The following ABLIM1 variants were observed in gnomAD, a reference collection of about 807,000 sequenced individuals.
The protein encoded by ABLIM1 is actin-binding LIM protein 1.
ABLIM1 carries 40 observed loss-of-function variants against 107.0 expected under a neutral mutation model. The ratio of observed to expected loss-of-function variants is 0.37; its 90% CI spans 0.29 to 0.49. ABLIM1 has a LOEUF of 0.49. Ranked by LOEUF, ABLIM1 falls within the 20% of genes least tolerant of loss-of-function variation. The pLI is 0.97. For missense variants in ABLIM1, 857 were observed against 1,008.5 expected (o/e 0.85, Z 2.04); for synonymous variants, 357 against 357.3 (o/e 1.00, Z 0.01).
chr10:114,502,717 G>A (rs1010786853), intron 6 of ABLIM1, among the ~76,000 whole-genome samples: 1 of 151,998 alleles, frequency 6.6e-6, no homozygotes, highest in Non-Finnish European at 1.5e-5. Context: ...GACTGGTCTC[G>A]AGCTCCTGGC....
upstream of ABLIM1, among the ~76,000 whole-genome samples, chr10:114,769,171 TGAA>T (rs2082973979): frequency 4.7e-5 from 1 of 21,238 alleles, no homozygotes; most frequent in Non-Finnish European, 8.6e-5. Flanking sequence ...CTGTCTTCAA[TGAA>T]AAAAAAAAAA....
chr10:114,664,249 C>T (rs150612131), intron 1 of ABLIM1, among the ~76,000 whole-genome samples: 348 of 152,282 alleles, frequency 2.3e-3, no homozygotes, highest in African/African-American at 7.7e-3. Flanking sequence ...CTTCTCTACT[C>T]TTTGAGACTG....
chr10:114,515,005 T>G (rs1455071231), intron 6 of ABLIM1, among the ~76,000 whole-genome samples: 1 of 152,150 alleles, frequency 6.6e-6, no homozygotes, highest in African/African-American at 2.4e-5. Context: ...CTAACACAAC[T>G]TCTGAGGAGA....
intron 4 of ABLIM1, among the ~76,000 whole-genome samples, chr10:114,560,572 G>A (rs1376220575): frequency 6.6e-6 from 1 of 152,162 alleles, no homozygotes; most frequent in Non-Finnish European, 1.5e-5. Flanking sequence ...TGTAGCCTAG[G>A]AGTAATAGGC....
intron 1 of ABLIM1, among the ~76,000 whole-genome samples, chr10:114,647,289 G>T (rs572144648): frequency 1.4e-5 from 2 of 145,730 alleles, no homozygotes; most frequent in South Asian, 4.2e-4. Flanking sequence ...GTGAGCCACC[G>T]TGCCCAGCCT....
At chr10:114,447,659 G>C (rs964593167) in intron 15 of ABLIM1, among the ~76,000 whole-genome samples, 1 of 152,196 alleles carries the variant, frequency 6.6e-6, no homozygotes, top group South Asian at 2.1e-4. Flanking sequence ...ATCCCAGTGG[G>C]TTTGGTTAGA....
At chr10:114,526,334 C>A (rs1386717931) in intron 6 of ABLIM1, among the ~76,000 whole-genome samples, 1 of 152,116 alleles carries the variant, frequency 6.6e-6, no homozygotes, top group African/African-American at 2.4e-5. Context: ...TTCAATCTTG[C>A]GGGTAGCAGC....
At chr10:114,787,613 G>T in the ABLIM1 span, among the ~76,000 whole-genome samples, 1 of 137,826 alleles carries the variant, frequency 7.3e-6, no homozygotes, top group African/African-American at 2.7e-5. Context: ...CAGCCGCCCC[G>T]TCCGGGAGGT....
chr10:114,700,599 A>T (rs192298960), intron 1 of ABLIM1, among the ~76,000 whole-genome samples: 120 of 151,846 alleles, frequency 7.9e-4, no homozygotes, highest in Non-Finnish European at 1.3e-3. Flanking sequence ...CAAATTAATC[A>T]TTGAAACAGA....
chr10:114,569,842 G>A (rs1298080412), intron 4 of ABLIM1, among the ~76,000 whole-genome samples: 3 of 152,184 alleles, frequency 2.0e-5, no homozygotes, highest in Admixed American at 2.0e-4. Flanking sequence ...GCTGTTATTT[G>A]TCGGAAGGTC....
At chr10:114,588,519 G>T in intron 2 of ABLIM1, among the ~76,000 whole-genome samples, 1 of 100,150 alleles carries the variant, frequency 1.0e-5, no homozygotes, top group South Asian at 3.5e-4. Flanking sequence ...TTTTGAGACA[G>T]AGTCTTGCTC....
At chr10:114,700,691 G>A (rs571796215) in intron 1 of ABLIM1, among the ~76,000 whole-genome samples, 1 of 152,084 alleles carries the variant, frequency 6.6e-6, no homozygotes, top group South Asian at 2.1e-4. Flanking sequence ...CAATGAGGAA[G>A]GGAATCTTTT....
chr10:114,470,421 C>CAAAAAAAAAAAAAAAAAAAAAACAAAAAA, intron 10 of ABLIM1, among the ~76,000 whole-genome samples: 1 of 88,924 alleles, frequency 1.1e-5, no homozygotes, highest in South Asian at 4.8e-4. Context: ...GACTCCACCT[C>CAAAAAAAAAAAAAAAAAAAAAACAAAAAA]AAAAAAAAAA....
intron 6 of ABLIM1, among the ~76,000 whole-genome samples, chr10:114,542,438 G>GAAAAAAAAAAAAAAA (rs375774485): frequency 1.0e-5 from 1 of 96,406 alleles, no homozygotes; most frequent in Non-Finnish European, 2.4e-5. Flanking sequence ...AAAGAAAAAA[G>GAAAAAAAAAAAAAAA]AAAAAAAAAA....
At chr10:114,657,186 G>A (rs573946202) in intron 1 of ABLIM1, among the ~76,000 whole-genome samples, 11 of 152,326 alleles carry the variant, frequency 7.2e-5, no homozygotes, top group South Asian at 4.1e-4. Flanking sequence ...CGAGGAATGC[G>A]TTATGCTTCC....
At chr10:114,468,866 A>G (rs1418539180) in intron 10 of ABLIM1, among the ~76,000 whole-genome samples, 1 of 151,688 alleles carries the variant, frequency 6.6e-6, no homozygotes, top group Non-Finnish European at 1.5e-5. Flanking sequence ...CCTGGCTAAC[A>G]TGGTGAAACC....
chr10:114,714,385 G>A (rs1439259107), intron 1 of ABLIM1, among the ~76,000 whole-genome samples: 1 of 151,286 alleles, frequency 6.6e-6, no homozygotes, highest in Admixed American at 6.6e-5. Context: ...TGGCACTCCT[G>A]GGTCACCAGC....
intron 1 of ABLIM1, among the ~76,000 whole-genome samples, chr10:114,604,780 A>T (rs1591540478): frequency 6.6e-6 from 1 of 152,244 alleles, no homozygotes; most frequent in East Asian, 1.9e-4. Context: ...ATTTTTGGAT[A>T]AGAAAATGCA....
intron 12 of ABLIM1, among the ~76,000 whole-genome samples, chr10:114,462,336 A>T (rs1310862557): frequency 6.6e-6 from 1 of 152,220 alleles, no homozygotes; most frequent in African/African-American, 2.4e-5. Flanking sequence ...ATTTTAAATT[A>T]TGACCCCTTT....
Sources: allele counts gnomAD v4.1 joint callset (sites outside exome capture counted in the v4.1 genomes callset), GRCh38; gene constraint gnomAD v4.1.1; transcripts MANE v1.5; gene names NCBI Gene and HGNC (gene_info 2026-07-23, HGNC 2026-07-21).